The following EPN2 variants were observed in gnomAD, a reference collection of about 807,000 sequenced individuals.
The protein encoded by EPN2 is epsin 2.
Under a neutral mutation model 61.7 loss-of-function variants are expected in EPN2, and 34 were observed. The observed-to-expected ratio is 0.55, with a 90% confidence interval of 0.42 to 0.73. The LOEUF is 0.73. Ranked by LOEUF, EPN2 falls within the 30% of genes least tolerant of loss-of-function variation. The pLI is 0.00. For missense variants in EPN2, 714 were observed against 839.2 expected (o/e 0.85, Z 1.84); for synonymous variants, 349 against 353.6 (o/e 0.99, Z 0.15).
chr17:19,298,373 T>A (rs1054124997), intron 4 of EPN2, among the ~76,000 whole-genome samples: 7 of 152,140 alleles, frequency 4.6e-5, no homozygotes, highest in African/African-American at 7.2e-5. Flanking sequence ...TTTTTGTATT[T>A]TTAGTAGAGA....
chr17:19,324,803 A>G (rs1906795509), intron 7 of EPN2, among the ~76,000 whole-genome samples: 1 of 152,240 alleles, frequency 6.6e-6, no homozygotes, highest in Non-Finnish European at 1.5e-5. Flanking sequence ...TAATGAAAAG[A>G]ACATAAACAC....
intron 4 of EPN2, among the ~76,000 whole-genome samples, chr17:19,291,280 C>T (rs941448061): frequency 1.3e-5 from 2 of 152,212 alleles, no homozygotes; most frequent in Non-Finnish European, 2.9e-5. Flanking sequence ...GATCATTGTC[C>T]TGCGGCATCA....
intron 1 of EPN2, among the ~76,000 whole-genome samples, chr17:19,258,606 A>G (rs1255127462): frequency 6.6e-6 from 1 of 152,180 alleles, no homozygotes; most frequent in Non-Finnish European, 1.5e-5. Flanking sequence ...ATTCCTCAGG[A>G]AATGTGTTTG....
At chr17:19,282,656 T>G (rs2045369452) in intron 2 of EPN2, 1 of 154,470 alleles carries the variant, frequency 6.5e-6, no homozygotes, top group Non-Finnish European at 1.4e-5. Flanking sequence ...CTTCCACAGC[T>G]GGCTTTTGCC....
Position 19,328,882 on chromosome 17 carries a change from T to C in EPN2, c.1319T>C (p.Val440Ala). ...GAVSTTKPVSVSGSFELFSNL... is the reference protein window; with the variant it reads ...GAVSTTKPVSASGSFELFSNL... Reference sequence around the variant, plus strand: ...GTCTCCACCACCAAGCCCGTGTCTGTCTCTGGTGAGCCCCTCACTCACCCA... The same window carrying C: ...GTCTCCACCACCAAGCCCGTGTCTGCCTCTGGTGAGCCCCTCACTCACCCA... The change falls in exon 8 of 11, where the codon GTC becomes GCC. Residue 440 changes from valine (V) to alanine (A), a missense_variant. This residue lies in a region of EPN2 where 410 missense variants were observed against 421.8 expected (regional missense o/e 0.97). Transcript: ENST00000314728. 6.2e-7 allele frequency: 1 copy of C among 1,609,518 alleles called. No homozygotes were observed. The highest frequency in any genetic ancestry group is 8.5e-7 in the Non-Finnish European group (1 of 1,177,468).
intron 7 of EPN2, among the ~76,000 whole-genome samples, chr17:19,325,587 G>T (rs903076338): frequency 6.6e-6 from 1 of 151,968 alleles, no homozygotes; most frequent in Non-Finnish European, 1.5e-5. Flanking sequence ...CCTGATAAAG[G>T]GCTTCTAAAA....
rs542886247 is a variant in EPN2, at chr17:19,262,541, A to G, written c.-293-19414A>G. On this transcript the variant is annotated intron_variant, in intron 1 of 10. Transcript: ENST00000314728. Reference sequence around the variant, plus strand: ...TTGATGCATAATTTATTTGCCATGCAATAAAGTTCACCATCAGCATAATCT... The same window carrying G: ...TTGATGCATAATTTATTTGCCATGCGATAAAGTTCACCATCAGCATAATCT... Among the ~76,000 whole-genome samples, 27 of 152,368 alleles carry G rather than the reference A, an allele frequency of 1.8e-4. 1 individual carries two copies. In the South Asian group the frequency reaches 5.2e-3, roughly 29 times the overall value.
intron 7 of EPN2, among the ~76,000 whole-genome samples, chr17:19,318,254 A>G (rs1906477358): frequency 6.6e-6 from 1 of 152,166 alleles, no homozygotes; most frequent in African/African-American, 2.4e-5. Flanking sequence ...GGGCTATAAG[A>G]GTAGGGGGTT....
chr17:19,296,241 C>T (rs1189289190), intron 4 of EPN2, among the ~76,000 whole-genome samples: 1 of 152,000 alleles, frequency 6.6e-6, no homozygotes, highest in African/African-American at 2.4e-5. Flanking sequence ...ACCTCTGCCT[C>T]CCAGGTTCAA....
At chr17:19,290,716 GAAAA>G (rs796463403) in intron 4 of EPN2, among the ~76,000 whole-genome samples, 1,225 of 120,610 alleles carry the variant, frequency 0.01, 51 homozygotes, top group Middle Eastern at 0.021. Flanking sequence ...AAAAAAAAAA[GAAAA>G]AAAAAGAAAA....
chr17:19,333,893 C>A, intron 10 of EPN2, 63 bp from the exon 11 acceptor site: 1 of 1,411,726 alleles, frequency 7.1e-7, no homozygotes, highest in Non-Finnish European at 9.5e-7. Flanking sequence ...CAGTCCCTGA[C>A]CTGGGAGCTC....
intron 4 of EPN2, among the ~76,000 whole-genome samples, chr17:19,304,503 G>A (rs2152228268): frequency 6.6e-6 from 1 of 152,326 alleles, no homozygotes; most frequent in Admixed American, 6.5e-5. Flanking sequence ...CCTGGGAAGG[G>A]CCACGCTTTC....
At chr17:19,239,979 G>C (rs76213947) in intron 1 of EPN2, among the ~76,000 whole-genome samples, 4,777 of 151,202 alleles carry the variant, frequency 0.032, 252 homozygotes, top group African/African-American at 0.11. Context: ...AAAAGTTTTC[G>C]GACTTTTTTT....
chr17:19,272,344 C>T (rs959321342), intron 1 of EPN2, among the ~76,000 whole-genome samples: 1 of 152,098 alleles, frequency 6.6e-6, no homozygotes, highest in Non-Finnish European at 1.5e-5. Context: ...TTTTGCCCAC[C>T]ATGAAGCCCC....
intron 1 of EPN2, among the ~76,000 whole-genome samples, chr17:19,256,156 C>G (rs917328165): frequency 6.6e-6 from 1 of 151,938 alleles, no homozygotes; most frequent in Non-Finnish European, 1.5e-5. Context: ...CCAGGATGGT[C>G]GCGATCTCCT....
chr17:19,278,305 C>T (rs2045328412), intron 1 of EPN2, among the ~76,000 whole-genome samples: 1 of 152,032 alleles, frequency 6.6e-6, no homozygotes, highest in African/African-American at 2.4e-5. Context: ...TGTTTTCACA[C>T]TACTGATAAA....
chr17:19,251,467 ATT>A (rs373947146), intron 1 of EPN2, among the ~76,000 whole-genome samples: 1 of 146,938 alleles, frequency 6.8e-6, no homozygotes, highest in Non-Finnish European at 1.5e-5. Context: ...TTGTAGTTGA[ATT>A]TTTTTTTTTT....
At chr17:19,293,994 G>A (rs1321693607) in intron 4 of EPN2, among the ~76,000 whole-genome samples, 3 of 152,038 alleles carry the variant, frequency 2.0e-5, no homozygotes, top group Non-Finnish European at 2.9e-5. Flanking sequence ...GGAAGCTGAG[G>A]CAGGAGATTG....
intron 1 of EPN2, among the ~76,000 whole-genome samples, chr17:19,238,082 GC>G (rs1260440698): frequency 2.0e-5 from 3 of 152,318 alleles, no homozygotes; most frequent in Non-Finnish European, 4.4e-5. Context: ...CTGTAGCAGG[GC>G]CCCCTTCCGT....
Sources: allele counts gnomAD v4.1 joint callset (sites outside exome capture counted in the v4.1 genomes callset), GRCh38; gene constraint gnomAD v4.1.1; regional missense constraint gnomAD v4.1.1; transcripts MANE v1.5; gene names NCBI Gene and HGNC (gene_info 2026-07-23, HGNC 2026-07-21).